Variants in PCDHGB4 observed in about 807,000 individuals in gnomAD.
PCDHGB4 encodes the protein protocadherin gamma subfamily B, 4.
A neutral mutation model predicts 60.5 loss-of-function variants in PCDHGB4; 38 were observed. That is an observed-to-expected ratio of 0.63 (90% CI 0.48 to 0.82). The LOEUF (loss-of-function observed/expected upper bound fraction) is 0.82, where lower values mean the gene tolerates loss of function less well. Among genes scored for constraint, PCDHGB4 ranks in the 40% least tolerant of loss-of-function variants. The pLI, the probability that PCDHGB4 is intolerant of heterozygous loss-of-function variation, is 0.00. For synonymous variants in PCDHGB4, 456 were observed against 509.7 expected (o/e 0.89, Z 1.42); for missense variants, 1,109 against 1,209.6 (o/e 0.92, Z 1.23).
rs568314069 is a variant in PCDHGB4 at position 141,486,371 on chromosome 5, G to C, written c.2398-8436G>C. 53 of 1,614,138 alleles carry C rather than the reference G, an allele frequency of 3.3e-5. 2 individuals are homozygous for C. The South Asian group carries it at 5.3e-4, about 16-fold the overall frequency. Reference sequence around the variant, plus strand: ...CCACTTGCCATTTGCCCTCAAGTCTGCCTTCAGGAACCAGTTCTCCCTGGT... The same window carrying C: ...CCACTTGCCATTTGCCCTCAAGTCTCCCTTCAGGAACCAGTTCTCCCTGGT... On this transcript the variant is annotated intron_variant, in intron 1 of 3. Transcript: ENST00000519479. The surrounding 1 kb of genome is among the most constrained non-coding windows in gnomAD (Gnocchi z 5.0).
rs1296142784 is a variant in PCDHGB4 at position 141,431,302 on chromosome 5, C to T, written c.2397+41021C>T. ...GCCCGAACACTCACTTCTCCCTCAT[C>T]GTGCAAAATGGAGCCGACGGTAGTA... is the stretch of plus-strand genomic sequence containing the variant. On this transcript the variant is annotated intron_variant, in intron 1 of 3. Coordinates refer to ENST00000519479, the MANE Select transcript of PCDHGB4 (RefSeq NM_003736.4). This position sits in a 1 kb window ranked among gnomAD's most constrained non-coding sequence, Gnocchi z 4.8. 2 of 1,614,028 alleles carry T rather than the reference C, an allele frequency of 1.2e-6. No individual in the cohort carries two copies. Among genetic ancestry groups the T allele is most frequent in the African/African-American group, 1.3e-5 (1 of 74,946 alleles).
intron 1 of PCDHGB4, chr5:141,417,843 G>C: frequency 6.5e-7 from 1 of 1,539,250 alleles, no homozygotes; most frequent in Non-Finnish European, 8.8e-7. Context: ...GGGACCCAGC[G>C]AGAACCCGAG....
At chr5:141,407,590 T>C (rs186034148) in intron 1 of PCDHGB4, among the ~76,000 whole-genome samples, 64 of 152,240 alleles carry the variant, frequency 4.2e-4, no homozygotes, top group Non-Finnish European at 7.1e-4. Context: ...CCTTAATGTC[T>C]CATCTTAAAA....
chr5:141,409,480 C>A, intron 1 of PCDHGB4: 1 of 1,614,002 alleles, frequency 6.2e-7, no homozygotes, highest in Non-Finnish European at 8.5e-7. Flanking sequence ...TAGCCACTGA[C>A]AGGGGCAAGC....
chr5:141,418,178 G>A, intron 1 of PCDHGB4: 1 of 1,614,080 alleles, frequency 6.2e-7, no homozygotes, highest in Non-Finnish European at 8.5e-7. Flanking sequence ...GTTGCAATTG[G>A]AAGCTGTGGT....
intron 1 of PCDHGB4, chr5:141,411,907 G>A (rs2095522781): frequency 1.3e-5 from 2 of 152,156 alleles, no homozygotes; most frequent in Non-Finnish European, 2.9e-5. Flanking sequence ...TATTGCCTTT[G>A]CACTCAGTCT....
chr5:141,440,444 C>G (rs2098178389), intron 1 of PCDHGB4: 1 of 152,038 alleles, frequency 6.6e-6, no homozygotes, highest in Admixed American at 6.6e-5. Context: ...AAGGCGCCAT[C>G]TCAAAAAAAA....
intron 1 of PCDHGB4, chr5:141,399,630 G>A: frequency 1.9e-6 from 3 of 1,613,874 alleles, no homozygotes; most frequent in Non-Finnish European, 1.7e-6. Flanking sequence ...CCTCTTACGT[G>A]TCCATGAGCG....
At chr5:141,430,811 A>T in intron 1 of PCDHGB4, 1 of 1,527,400 alleles carries the variant, frequency 6.5e-7, no homozygotes, top group Non-Finnish European at 8.8e-7. Context: ...CCTGCTGGGA[A>T]TCCTCCTGGG....
At chr5:141,400,234 G>T (rs749957043) in intron 1 of PCDHGB4, 6 of 1,613,868 alleles carry the variant, frequency 3.7e-6, no homozygotes, top group African/African-American at 1.3e-5. Context: ...CCTCCTGGCC[G>T]TGATTCTGGC....
At chr5:141,481,811 G>A (rs1050821120) in intron 1 of PCDHGB4, among the ~76,000 whole-genome samples, 1 of 151,892 alleles carries the variant, frequency 6.6e-6, no homozygotes. Context: ...AATTCACCAG[G>A]CGTGGTGGCT....
intron 1 of PCDHGB4, chr5:141,433,063 G>T (rs1411651811): frequency 3.1e-6 from 5 of 1,614,176 alleles, no homozygotes; most frequent in Non-Finnish European, 4.2e-6. Flanking sequence ...AGAGTCACCT[G>T]ATCTTCCCCC....
rs868008554 is a variant in PCDHGB4, at chr5:141,431,417, C to T, written c.2397+41136C>T. 1 of 1,613,666 alleles carries T rather than the reference C, an allele frequency of 6.2e-7. No homozygotes were observed. Among genetic ancestry groups the T allele is most frequent in the South Asian group, 1.1e-5 (1 of 91,082 alleles). ...CCTTACGGCCTCCGACGGGGGCGAC[C>T]CGGTGCGCACAGGCACCGCGCGCAT... On this transcript the variant is annotated intron_variant, in intron 1 of 3. Transcript: ENST00000519479. This position sits in a 1 kb window ranked among gnomAD's most constrained non-coding sequence, Gnocchi z 4.8.
chr5:141,458,972 GTCC>G (rs2154566422), intron 1 of PCDHGB4, among the ~76,000 whole-genome samples: 1 of 151,882 alleles, frequency 6.6e-6, no homozygotes, highest in East Asian at 1.9e-4. Context: ...GCCTCAAGCA[GTCC>G]TCCTGCCTCA....
chr5:141,391,359 C>T (rs2092363338), intron 1 of PCDHGB4: 1 of 149,724 alleles, frequency 6.7e-6, no homozygotes, highest in African/African-American at 2.5e-5. Flanking sequence ...GTTACTCAGG[C>T]TGTAGTGCAG....
intron 2 of PCDHGB4, among the ~76,000 whole-genome samples, chr5:141,503,275 C>T (rs1466636672): frequency 1.3e-5 from 2 of 152,108 alleles, no homozygotes; most frequent in Non-Finnish European, 2.9e-5. Context: ...GCACCTGGCT[C>T]TGTGTCTGGT....
intron 2 of PCDHGB4, among the ~76,000 whole-genome samples, chr5:141,501,258 T>G (rs2099806611): frequency 1.3e-5 from 2 of 150,950 alleles, no homozygotes; most frequent in South Asian, 4.2e-4. Flanking sequence ...GGGAGTATTT[T>G]ATTATAGTCC....
Position 141,503,999 on chromosome 5 carries a change from C to T in PCDHGB4, c.2457-1394C>T, listed in dbSNP as rs569153055. On this transcript the variant is annotated intron_variant, in intron 2 of 3. Coordinates refer to ENST00000519479, the MANE Select transcript of PCDHGB4 (RefSeq NM_003736.4). Reference sequence around the variant, plus strand: ...AACCCTTCTTCTTACCTTACAGTCACTTAACTGTCTCTGCTGGTCTCTTCC... The same window carrying T: ...AACCCTTCTTCTTACCTTACAGTCATTTAACTGTCTCTGCTGGTCTCTTCC... 2.0e-5 allele frequency among the ~76,000 whole-genome samples: 3 copies of T among 152,286 alleles called. No individual in the cohort carries two copies. The South Asian group carries it at 6.2e-4, about 32-fold the overall frequency.
chr5:141,428,188 G>A (rs1023078587), intron 1 of PCDHGB4: 3 of 1,433,350 alleles, frequency 2.1e-6, no homozygotes, highest in Admixed American at 1.8e-5. Flanking sequence ...GACAGCCGCC[G>A]CTCTCTGCGC....
Sources: gnomAD v4.1 joint callset for allele counts (sites outside exome capture counted in the v4.1 genomes callset) on GRCh38, gnomAD v4.1.1 for gene constraint, Gnocchi (gnomAD v3.1) non-coding constraint, MANE v1.5 for transcripts, NCBI Gene and HGNC (gene_info 2026-07-23, HGNC 2026-07-21) for gene names.